Variants in CDH5 observed in about 807,000 individuals in gnomAD.
CDH5 encodes cadherin-5.
CDH5 carries 28 observed loss-of-function variants against 62.0 expected under a neutral mutation model. That is an observed-to-expected ratio of 0.45 (90% CI 0.33 to 0.62). The LOEUF (loss-of-function observed/expected upper bound fraction) is 0.62. Among genes scored for constraint, CDH5 ranks in the 20% least tolerant of loss-of-function variants. The pLI is 0.02. For synonymous variants in CDH5, 464 were observed against 445.8 expected (o/e 1.04, Z -0.52); for missense variants, 940 against 1,065.1 (o/e 0.88, Z 1.63).
At chr16:66,398,359 T>C (rs1961223961) in intron 9 of CDH5, 97 bp from the exon 10 acceptor site, 2 of 876,112 alleles carry the variant, frequency 2.3e-6, no homozygotes, top group Non-Finnish European at 3.8e-6. Context: ...GAAACAGCCA[T>C]GGTCAGGACT....
rs745990585 is a variant in CDH5 at position 66,387,028 on chromosome 16, G to T, written c.430G>T (p.Val144Leu). Residue 144 changes from valine (V) to leucine (L), a missense_variant, in exon 3 of 12, where the codon GTG (valine) becomes TTG (leucine). Transcript: ENST00000341529. ...PSSFTIKVHDVNDNWPVFTHR... is the reference protein window; with the variant it reads ...PSSFTIKVHDLNDNWPVFTHR... Reference sequence around the variant, plus strand: ...CAGCTTCACCATCAAAGTTCATGACGTGAACGACAACTGGCCTGTGTTCAC... The same window carrying T: ...CAGCTTCACCATCAAAGTTCATGACTTGAACGACAACTGGCCTGTGTTCAC... 1 of 1,614,044 alleles carries T rather than the reference G, an allele frequency of 6.2e-7. No homozygotes were observed. The highest frequency in any genetic ancestry group is 1.3e-5 in the African/African-American group (1 of 74,918).
At chr16:66,381,531 T>C (rs758559098) in intron 2 of CDH5, among the ~76,000 whole-genome samples, 1 of 152,180 alleles carries the variant, frequency 6.6e-6, no homozygotes, top group African/African-American at 2.4e-5. Flanking sequence ...AAAGTTTATT[T>C]TGAGTGCGTT....
intron 7 of CDH5, among the ~76,000 whole-genome samples, chr16:66,394,029 A>G (rs367866484): frequency 6.6e-6 from 1 of 152,062 alleles, no homozygotes; most frequent in African/African-American, 2.4e-5. Flanking sequence ...ATTTTCATTT[A>G]TAAGTCATAG....
chr16:66,398,706 C>T (rs1364951943), intron 10 of CDH5, 145 bp downstream of exon 10: 72 of 550,330 alleles, frequency 1.3e-4, no homozygotes, highest in South Asian at 1.3e-3. Flanking sequence ...CACTCCAGCC[C>T]GGGCGACAGA....
At chr16:66,375,370 A>T (rs1960766377) in intron 1 of CDH5, among the ~76,000 whole-genome samples, 1 of 151,990 alleles carries the variant, frequency 6.6e-6, no homozygotes, top group African/African-American at 2.4e-5. Context: ...CACCCCAACT[A>T]TCTCTTCAAA....
chr16:66,402,911 C>G lies in CDH5; in HGVS notation c.2097C>G (p.His699Gln). The G allele has an allele frequency of 1.2e-6, 2 of 1,611,632 alleles. No individual in the cohort carries two copies. The highest frequency in any genetic ancestry group is 1.7e-6 in the Non-Finnish European group (2 of 1,179,750). The change falls in exon 12 of 12, where the codon CAC (histidine) becomes CAG (glutamine). Residue 699 changes from histidine (H) to glutamine (Q), a missense_variant. His to Gln is a conservative substitution (Grantham distance 24). Transcript: ENST00000341529. ...QKPPRHAPGA[H>Q]GGPGEMAAMI... Reference sequence around the variant, plus strand: ...CACCGAGGCACGCGCCTGGGGCACACGGAGGGCCCGGGGAGATGGCAGCCA... The same window carrying G: ...CACCGAGGCACGCGCCTGGGGCACAGGGAGGGCCCGGGGAGATGGCAGCCA...
chr16:66,385,527 T>A (rs1300060978), intron 2 of CDH5, among the ~76,000 whole-genome samples: 1 of 152,202 alleles, frequency 6.6e-6, no homozygotes, highest in African/African-American at 2.4e-5. Flanking sequence ...AGGGGTGTGC[T>A]GATATATGTT....
At chr16:66,378,639 T>C (rs772391329) in intron 1 of CDH5, among the ~76,000 whole-genome samples, 52 of 152,204 alleles carry the variant, frequency 3.4e-4, no homozygotes, top group Admixed American at 6.5e-4. Context: ...CCTGGGGACT[T>C]AGGAGCTGCC....
intron 1 of CDH5, among the ~76,000 whole-genome samples, chr16:66,374,089 C>T (rs533340856): frequency 1.1e-3 from 168 of 152,304 alleles, no homozygotes; most frequent in African/African-American, 3.9e-3. Context: ...ATGACTTACG[C>T]TACCTCTCTG....
At position 66,387,109 on chromosome 16, in the gene CDH5, G is replaced by A; in HGVS notation, c.499+12G>A. 6.2e-7 allele frequency: 1 copy of A among 1,604,450 alleles called. No individual in the cohort carries two copies. On this transcript the variant is annotated intron_variant, in intron 3 of 11. Coordinates refer to ENST00000341529, the MANE Select transcript of CDH5 (RefSeq NM_001795.5). ...GTCGTCGGCTGTGGGTACGTTGCATGCCCACTCTGTCCTCCTCCCTCCCTC... is the reference window on the plus strand; with the variant it reads ...GTCGTCGGCTGTGGGTACGTTGCATACCCACTCTGTCCTCCTCCCTCCCTC...
At chr16:66,399,145 G>A (rs1205979983) in intron 10 of CDH5, among the ~76,000 whole-genome samples, 2 of 152,156 alleles carry the variant, frequency 1.3e-5, no homozygotes, top group African/African-American at 4.8e-5. Context: ...AAATCCCAAG[G>A]ATCCAGTGAG....
chr16:66,388,395 T>C lies in CDH5; in HGVS notation c.571T>C (p.Tyr191His). ...TGTGGGAGACCACGCCTCTGTCATG[T>C]ACCAAATCCTGAAGGGGAAAGAGTA... ...PTVGDHASVM[Y>H]QILKGKEYFA... is the part of the protein sequence containing the mutation. Residue 191 changes from tyrosine to histidine, a missense_variant, in exon 4 of 12, where the codon TAC (tyrosine) becomes CAC (histidine). Physicochemically the swap from Tyr to His is moderately conservative, Grantham distance 83 (BLOSUM62 2). Coordinates refer to ENST00000341529, the MANE Select transcript of CDH5 (RefSeq NM_001795.5). 1 of 1,613,960 alleles carries C rather than the reference T, an allele frequency of 6.2e-7. No homozygotes were observed. Among genetic ancestry groups the C allele is most frequent in the Non-Finnish European group, 8.5e-7 (1 of 1,179,764 alleles).
chr16:66,384,287 T>C (rs1015116999), intron 2 of CDH5, among the ~76,000 whole-genome samples: 1 of 149,384 alleles, frequency 6.7e-6, no homozygotes, highest in Non-Finnish European at 1.5e-5. Context: ...AGAGATGGGG[T>C]TTCACCATGT....
In CDH5 at chr16:66,400,826, G is replaced by C; in HGVS notation, c.1647G>C (p.Lys549Asn). The part of the protein sequence containing the change: ...KYGQFDREHT[K>N]VHFLPVVISD... The stretch of plus-strand genomic sequence containing the variant: ...GGCAGTTTGACCGGGAGCATACCAA[G>C]GTCCACTTCCTACCCGTGGTCATCT... Residue 549 changes from lysine (K) to asparagine (N), a missense_variant, in exon 11 of 12, where the codon AAG becomes AAC. Transcript: ENST00000341529. 6.2e-7 allele frequency: 1 copy of C among 1,614,226 alleles called. No individual in the cohort carries two copies. The highest frequency in any genetic ancestry group is 8.5e-7 in the Non-Finnish European group (1 of 1,180,038).
chr16:66,388,866 G>A (rs75977661), intron 4 of CDH5, among the ~76,000 whole-genome samples: 16 of 152,076 alleles, frequency 1.1e-4, no homozygotes, highest in African/African-American at 2.9e-4. Flanking sequence ...TATTTATATC[G>A]TATGGTAGCT....
At chr16:66,387,979 A>T (rs1396938477) in intron 3 of CDH5, among the ~76,000 whole-genome samples, 1 of 152,126 alleles carries the variant, frequency 6.6e-6, no homozygotes, top group Non-Finnish European at 1.5e-5. Flanking sequence ...GCAAGAAATG[A>T]CACCACTCCT....
intron 9 of CDH5, 121 bp downstream of exon 9, chr16:66,398,227 A>T (rs889281815): frequency 2.1e-5 from 26 of 1,211,006 alleles, no homozygotes; most frequent in Non-Finnish European, 1.2e-6. Flanking sequence ...AAATAACATT[A>T]TGCCCATTTT....
chr16:66,384,078 C>CTTTTTT (rs35435487), intron 2 of CDH5, among the ~76,000 whole-genome samples: 114 of 71,350 alleles, frequency 1.6e-3, no homozygotes, highest in Non-Finnish European at 1.8e-3. Context: ...GGAGTCCAGC[C>CTTTTTT]TTTTTTTTTT....
chr16:66,375,978 T>C (rs1345041021), intron 1 of CDH5, among the ~76,000 whole-genome samples: 1 of 151,736 alleles, frequency 6.6e-6, no homozygotes, highest in Admixed American at 6.6e-5. Flanking sequence ...GGGCGTGGTG[T>C]CACGCGCCTG....
Sources: gnomAD v4.1 joint callset for allele counts (sites outside exome capture counted in the v4.1 genomes callset) on GRCh38, gnomAD v4.1.1 for gene constraint, MANE v1.5 for transcripts, NCBI Gene and HGNC (gene_info 2026-07-23, HGNC 2026-07-21) for gene names.